CATSPERT: variants seen among roughly 807,000 people sequenced by gnomAD.
CATSPERT encodes the protein cation channel sperm-associated targeting subunit tau.
chr2:201,528,375 C>T, the CATSPERT span, among the ~76,000 whole-genome samples: 4 of 152,146 alleles, frequency 2.6e-5, no homozygotes, highest in African/African-American at 9.7e-5. Context: ...GAACTTAAAA[C>T]AGAACTACCA....
At chr2:201,590,589 T>A in the CATSPERT span, among the ~76,000 whole-genome samples, 1 of 152,170 alleles carries the variant, frequency 6.6e-6, no homozygotes, top group African/African-American at 2.4e-5. Context: ...TGAACTAGTT[T>A]ACAGTCCCAC....
the CATSPERT span, among the ~76,000 whole-genome samples, chr2:201,600,378 T>C: frequency 3.3e-5 from 5 of 152,066 alleles, no homozygotes; most frequent in Non-Finnish European, 7.4e-5. Flanking sequence ...TAGGTGGGAA[T>C]TGAACAATGA....
At chr2:201,534,616 A>C in the CATSPERT span, 1 of 983,916 alleles carries the variant, frequency 1.0e-6, no homozygotes, top group East Asian at 1.1e-4. Context: ...ACTAATGAGC[A>C]AAAAAAAGTG....
the CATSPERT span, chr2:201,553,657 A>G: frequency 2.0e-5 from 3 of 152,298 alleles, no homozygotes; most frequent in South Asian, 6.2e-4. Flanking sequence ...CTGACTTCCA[A>G]TCAGTTAGCT....
chr2:201,553,115 A>G, the CATSPERT span: 3 of 152,232 alleles, frequency 2.0e-5, no homozygotes, highest in South Asian at 6.2e-4. Flanking sequence ...ATCATATCAC[A>G]TGTTTTTTTC....
the CATSPERT span, among the ~76,000 whole-genome samples, chr2:201,593,358 A>C: frequency 2.0e-5 from 3 of 151,452 alleles, no homozygotes; most frequent in Non-Finnish European, 4.4e-5. Context: ...AGTTTGTTAT[A>C]ATTTCTGTTC....
At chr2:201,551,685 A>G in the CATSPERT span, among the ~76,000 whole-genome samples, 1 of 152,152 alleles carries the variant, frequency 6.6e-6, no homozygotes, top group Non-Finnish European at 1.5e-5. Context: ...AATGCATGTC[A>G]TTGTAAAAAG....
the CATSPERT span, among the ~76,000 whole-genome samples, chr2:201,519,446 C>G: frequency 4.0e-5 from 6 of 151,834 alleles, no homozygotes; most frequent in East Asian, 9.6e-4. Context: ...AGAGACATAT[C>G]AAACATGAAA....
the CATSPERT span, chr2:201,494,244 G>C: frequency 6.5e-7 from 1 of 1,536,802 alleles, no homozygotes; most frequent in Non-Finnish European, 8.7e-7. Context: ...TTGCTTCACT[G>C]TTCATACTAA....
the CATSPERT span, among the ~76,000 whole-genome samples, chr2:201,488,716 G>T: frequency 1.3e-5 from 2 of 152,162 alleles, no homozygotes; most frequent in South Asian, 4.2e-4. Context: ...AGGTGGGGAT[G>T]GATTAATAGA....
chr2:201,617,250 G>T, the CATSPERT span, among the ~76,000 whole-genome samples: 11 of 152,284 alleles, frequency 7.2e-5, no homozygotes, highest in East Asian at 2.1e-3. Flanking sequence ...ACATTGCCAA[G>T]ACAATCCTAA....
At chr2:201,515,202 G>GTTTTTTTTTTTTTTTTTTTTTTTTTTT in the CATSPERT span, among the ~76,000 whole-genome samples, 8 of 24,656 alleles carry the variant, frequency 3.2e-4, 3 homozygotes, top group African/African-American at 1.7e-3. Context: ...TCTGCCCATA[G>GTTTTTTTTTTTTTTTTTTTTTTTTTTT]TTTTTTTTTT....
At chr2:201,505,182 C>A in the CATSPERT span, among the ~76,000 whole-genome samples, 1 of 152,104 alleles carries the variant, frequency 6.6e-6, no homozygotes, top group Non-Finnish European at 1.5e-5. Flanking sequence ...TCACTGCAAC[C>A]TCCACCCCCT....
chr2:201,585,782 T>A, the CATSPERT span, among the ~76,000 whole-genome samples: 2 of 152,296 alleles, frequency 1.3e-5, no homozygotes, highest in South Asian at 2.1e-4. Context: ...TAGCCATTTT[T>A]AAAAAGAGTA....
At chr2:201,586,650 A>C in the CATSPERT span, among the ~76,000 whole-genome samples, 7 of 152,000 alleles carry the variant, frequency 4.6e-5, no homozygotes, top group Non-Finnish European at 8.8e-5. Context: ...AATATTTTCA[A>C]ATTTTTAGCA....
chr2:201,573,779 C>G, the CATSPERT span, among the ~76,000 whole-genome samples: 2 of 152,144 alleles, frequency 1.3e-5, no homozygotes, highest in Non-Finnish European at 2.9e-5. Flanking sequence ...GCCCCAGCCT[C>G]CCAAGTAGCT....
the CATSPERT span, among the ~76,000 whole-genome samples, chr2:201,546,552 T>A: frequency 6.6e-6 from 1 of 152,272 alleles, no homozygotes; most frequent in African/African-American, 2.4e-5. Context: ...TCATTAGTCA[T>A]TAGAGAAATG....
At chr2:201,590,384 A>G in the CATSPERT span, among the ~76,000 whole-genome samples, 3 of 151,974 alleles carry the variant, frequency 2.0e-5, no homozygotes, top group Admixed American at 1.3e-4. Flanking sequence ...CCAGTCTATC[A>G]TTGTTCGACA....
At chr2:201,581,548 GTATATA>G in the CATSPERT span, among the ~76,000 whole-genome samples, 200 of 9,640 alleles carry the variant, frequency 0.021, 3 homozygotes, top group Admixed American at 0.032. Flanking sequence ...AAAAATGTGT[GTATATA>G]TATATATATA....
Sources: gnomAD v4.1 joint callset for allele counts (sites outside exome capture counted in the v4.1 genomes callset) on GRCh38, gnomAD v4.1.1 for gene constraint, MANE v1.5 for transcripts, NCBI Gene and HGNC (gene_info 2026-07-23, HGNC 2026-07-21) for gene names.